LYRM4: variants seen among roughly 807,000 people sequenced by gnomAD.
LYRM4 encodes the protein LYR motif-containing protein 4.
A neutral mutation model predicts 11.7 loss-of-function variants in LYRM4; 9 were observed. That is an observed-to-expected ratio of 0.77 (90% CI 0.46 to 1.34). The LOEUF (loss-of-function observed/expected upper bound fraction) is 1.34, where lower values mean the gene tolerates loss of function less well. Ranked by LOEUF, LYRM4 falls within the 40% of genes most tolerant of loss-of-function variation. The pLI, the probability that LYRM4 is intolerant of heterozygous loss-of-function variation, is 0.00. For synonymous variants in LYRM4, 42 were observed against 40.4 expected (o/e 1.04, Z -0.15); for missense variants, 133 against 112.5 (o/e 1.18, Z -0.82).
chr6:5,146,772 A>C (rs934275426), intron 2 of LYRM4, among the ~76,000 whole-genome samples: 4 of 152,220 alleles, frequency 2.6e-5, no homozygotes, highest in Admixed American at 6.5e-5. Flanking sequence ...TCCTCTCAAA[A>C]GAAGACAAGA....
At chr6:5,092,810 G>A in the LYRM4 span, among the ~76,000 whole-genome samples, 4 of 152,316 alleles carry the variant, frequency 2.6e-5, no homozygotes, top group East Asian at 1.9e-4. Flanking sequence ...AGCAGCAGTC[G>A]TGTTTATGTG....
chr6:5,253,833 CAA>C (rs59576268), intron 1 of LYRM4, among the ~76,000 whole-genome samples: 40,629 of 137,778 alleles, frequency 0.29, 6,938 homozygotes, highest in African/African-American at 0.51. Context: ...TCATGCTGAG[CAA>C]AAAAAAAAAA....
At chr6:5,120,307 T>A (rs1294461164) in intron 2 of LYRM4, among the ~76,000 whole-genome samples, 1 of 152,180 alleles carries the variant, frequency 6.6e-6, no homozygotes, top group East Asian at 1.9e-4. Flanking sequence ...CCTTTTTGAA[T>A]GGGCACACAT....
chr6:5,158,255 A>G (rs1250851114), intron 2 of LYRM4, among the ~76,000 whole-genome samples: 1 of 152,236 alleles, frequency 6.6e-6, no homozygotes, highest in Non-Finnish European at 1.5e-5. Flanking sequence ...AGAGTAATTA[A>G]GCAGTGTTTC....
At chr6:5,046,526 C>T in the LYRM4 span, among the ~76,000 whole-genome samples, 3 of 152,210 alleles carry the variant, frequency 2.0e-5, no homozygotes, top group East Asian at 3.9e-4. Flanking sequence ...GAAGGCTGGA[C>T]GTCCCACATG....
At chr6:5,214,053 T>C (rs563304568) in intron 2 of LYRM4, among the ~76,000 whole-genome samples, 1 of 152,342 alleles carries the variant, frequency 6.6e-6, no homozygotes, top group African/African-American at 2.4e-5. Context: ...GCAGAGTCCA[T>C]GCTCTTCGCC....
At chr6:5,033,409 C>A in the LYRM4 span, 8 of 152,386 alleles carry the variant, frequency 5.2e-5, no homozygotes, top group Non-Finnish European at 1.0e-4. Flanking sequence ...TTGACCACTG[C>A]CCTACACCCC....
intron 1 of LYRM4, among the ~76,000 whole-genome samples, chr6:5,256,211 C>T (rs535884761): frequency 6.6e-6 from 1 of 152,076 alleles, no homozygotes; most frequent in South Asian, 2.1e-4. Context: ...GGTTCTTGGC[C>T]AGGCGCGGTG....
intron 2 of LYRM4, among the ~76,000 whole-genome samples, chr6:5,180,100 TG>T (rs1203104981): frequency 2.4e-4 from 37 of 152,202 alleles, no homozygotes; most frequent in Non-Finnish European, 1.5e-5. Flanking sequence ...GATTTGTTTA[TG>T]GGGCTAATCT....
chr6:5,203,807 A>G (rs1278305750), intron 2 of LYRM4, among the ~76,000 whole-genome samples: 1 of 152,244 alleles, frequency 6.6e-6, no homozygotes, highest in Non-Finnish European at 1.5e-5. Flanking sequence ...GCAGAAGCAC[A>G]TGAAAGAAGA....
chr6:5,108,402 G>C (rs1762730265), downstream of LYRM4: 1 of 950,612 alleles, frequency 1.1e-6, no homozygotes, highest in Non-Finnish European at 1.3e-6. Context: ...TGTTTGGAAT[G>C]AATCTGTTTC....
chr6:5,231,060 T>C (rs1039577224), intron 1 of LYRM4, among the ~76,000 whole-genome samples: 1 of 152,222 alleles, frequency 6.6e-6, no homozygotes, highest in East Asian at 1.9e-4. Flanking sequence ...ATGGATCATT[T>C]GAGGTTAGGA....
chr6:5,072,161 C>T, the LYRM4 span, among the ~76,000 whole-genome samples: 2 of 152,168 alleles, frequency 1.3e-5, no homozygotes, highest in African/African-American at 4.8e-5. Context: ...TAATCTTGTT[C>T]CTTTTTGTGG....
intron 2 of LYRM4, among the ~76,000 whole-genome samples, chr6:5,177,397 G>A (rs1247288168): frequency 6.6e-6 from 1 of 152,184 alleles, no homozygotes; most frequent in Non-Finnish European, 1.5e-5. Flanking sequence ...CATCTGACTG[G>A]AAAGCCTACC....
At chr6:5,086,769 G>A in the LYRM4 span, 1 of 585,462 alleles carries the variant, frequency 1.7e-6, no homozygotes, top group Non-Finnish European at 3.0e-6. Context: ...GCAATGCTCC[G>A]AAAGCCTCTG....
intron 1 of LYRM4, among the ~76,000 whole-genome samples, chr6:5,252,943 T>C (rs1764502191): frequency 6.6e-6 from 1 of 152,156 alleles, no homozygotes; most frequent in Non-Finnish European, 1.5e-5. Context: ...AATTAAGCCC[T>C]GTGTAAGGGC....
chr6:5,085,927 T>C, the LYRM4 span: 1 of 1,528,406 alleles, frequency 6.5e-7, no homozygotes, highest in South Asian at 1.2e-5. Context: ...CGTGAAGCAC[T>C]TCAGCGAGGC....
At chr6:5,078,069 T>C in the LYRM4 span, among the ~76,000 whole-genome samples, 4 of 152,220 alleles carry the variant, frequency 2.6e-5, no homozygotes, top group Non-Finnish European at 4.4e-5. Flanking sequence ...GACAAGATTA[T>C]GCAAATCATG....
At chr6:5,110,453 G>A (rs59153390) in intron 2 of LYRM4, among the ~76,000 whole-genome samples, 15,684 of 152,156 alleles carry the variant, frequency 0.1, 873 homozygotes, top group Middle Eastern at 0.16. Context: ...GGACCGCCGC[G>A]CCGTCCATCT....
Sources: gnomAD v4.1 joint callset for allele counts (sites outside exome capture counted in the v4.1 genomes callset) on GRCh38, gnomAD v4.1.1 for gene constraint, MANE v1.5 for transcripts, NCBI Gene and HGNC (gene_info 2026-07-23, HGNC 2026-07-21) for gene names.